The following CYTH1 variants were observed in gnomAD, a reference collection of about 807,000 sequenced individuals.
CYTH1 encodes cytohesin-1.
Under a neutral mutation model 61.8 loss-of-function variants are expected in CYTH1, and 18 were observed. That is an observed-to-expected ratio of 0.29 (90% confidence interval 0.20 to 0.43). CYTH1 has a LOEUF of 0.43. Ranked by LOEUF, CYTH1 falls within the 20% of genes least tolerant of loss-of-function variation. The pLI, the probability that CYTH1 is intolerant of heterozygous loss-of-function variation, is 1.00. For missense variants in CYTH1, 336 were observed against 510.5 expected, an observed-to-expected ratio of 0.66 and a Z score of 3.29; for synonymous variants, 174 against 184.3, an observed-to-expected ratio of 0.94 and a Z score of 0.45.
At chr17:78,733,885 T>C (rs1421528222) in intron 1 of CYTH1, among the ~76,000 whole-genome samples, 1 of 152,240 alleles carries the variant, frequency 6.6e-6, no homozygotes, top group African/African-American at 2.4e-5. Flanking sequence ...AGTGTCTGCC[T>C]GTGAAGGGCC....
At chr17:78,755,252 T>C (rs1203757832) in intron 1 of CYTH1, among the ~76,000 whole-genome samples, 1 of 152,172 alleles carries the variant, frequency 6.6e-6, no homozygotes, top group Non-Finnish European at 1.5e-5. Flanking sequence ...CTCAGCTCAC[T>C]GCAGCCTCCG....
intron 1 of CYTH1, among the ~76,000 whole-genome samples, chr17:78,758,597 G>A (rs1313678077): frequency 2.6e-5 from 4 of 152,098 alleles, no homozygotes; most frequent in African/African-American, 9.7e-5. Flanking sequence ...CCAGCTACTC[G>A]CTAGGCTGAG....
At chr17:78,726,107 G>C (rs988018752) in intron 1 of CYTH1, among the ~76,000 whole-genome samples, 1 of 148,028 alleles carries the variant, frequency 6.8e-6, no homozygotes, top group Admixed American at 6.8e-5. Flanking sequence ...GCAGTGGCGC[G>C]ATCTCGGCTC....
At chr17:78,745,532 T>C (rs2093356337) in intron 1 of CYTH1, among the ~76,000 whole-genome samples, 1 of 152,200 alleles carries the variant, frequency 6.6e-6, no homozygotes, top group Admixed American at 6.5e-5. Flanking sequence ...ATAAATTCCA[T>C]CTGTGCTGCC....
chr17:78,775,234 G>C (rs9899151), intron 1 of CYTH1, among the ~76,000 whole-genome samples: 1,575 of 152,302 alleles, frequency 0.01, 28 homozygotes, highest in African/African-American at 0.035. Flanking sequence ...ATGAAGATTG[G>C]GGGGGCCGCT....
In CYTH1 at chr17:78,675,742, G is replaced by A. The variant is rs1567817210; in HGVS notation, c.*349C>T. ...TGTATTTATGGTGCAGGGTTTGAAG[G>A]CTTCTTCACGGGGACAACCAAGAGG... is the stretch of plus-strand genomic sequence containing the variant. On this transcript the variant is annotated 3_prime_UTR_variant, in exon 14 of 14. Transcript: ENST00000446868. The A allele has an allele frequency of 3.1e-6, 2 of 651,660 alleles. No homozygotes were observed. The highest frequency in any genetic ancestry group is 5.9e-5 in the East Asian group (2 of 33,614). 40.4% of individuals were successfully genotyped at this position (651,660 alleles called of 1,614,324 possible).
chr17:78,718,218 T>C (rs1330370699), intron 1 of CYTH1, among the ~76,000 whole-genome samples: 1 of 128,394 alleles, frequency 7.8e-6, no homozygotes, highest in African/African-American at 3.1e-5. Flanking sequence ...AAACACTGAA[T>C]ACACACACAC....
intron 1 of CYTH1, chr17:78,716,948 T>G (rs1001631153): frequency 1.3e-5 from 2 of 152,272 alleles, no homozygotes; most frequent in African/African-American, 4.8e-5. Flanking sequence ...CGGGAGTTTC[T>G]GGGAAAGCAC....
intron 1 of CYTH1, among the ~76,000 whole-genome samples, chr17:78,770,043 G>C (rs1447459746): frequency 6.6e-6 from 1 of 151,938 alleles, no homozygotes; most frequent in African/African-American, 2.4e-5. Flanking sequence ...CTAGTTACTC[G>C]GGAAGCTGAG....
rs540229653 is a variant in CYTH1, at chr17:78,763,047, C to CA, written c.22+19154dup. Among the ~76,000 whole-genome samples, 328 of 152,020 alleles carry CA rather than the reference C, an allele frequency of 2.2e-3. 2 individuals are homozygous for CA. Among genetic ancestry groups the CA allele is most frequent in the African/African-American group, 7.3e-3 (302 of 41,452 alleles). ...GCTGCTTTCTGGATGTTTTTAATCTCAAAAAAAGACTTTTGGCCAGGCACG... is the reference window on the plus strand; with the variant it reads ...GCTGCTTTCTGGATGTTTTTAATCTCAAAAAAAAGACTTTTGGCCAGGCACG... On this transcript the variant is annotated intron_variant, in intron 1 of 13. Coordinates refer to ENST00000446868, the MANE Select transcript of CYTH1 (RefSeq NM_004762.6).
intron 1 of CYTH1, among the ~76,000 whole-genome samples, chr17:78,772,236 C>G (rs1373449658): frequency 6.6e-6 from 1 of 152,134 alleles, no homozygotes; most frequent in Non-Finnish European, 1.5e-5. Context: ...CAGACTCGAC[C>G]AGACTCGACA....
At chr17:78,710,986 G>T (rs2144420679) in intron 1 of CYTH1, among the ~76,000 whole-genome samples, 2 of 152,226 alleles carry the variant, frequency 1.3e-5, no homozygotes, top group South Asian at 4.2e-4. Flanking sequence ...ACCGAGGCCG[G>T]GCACAGTGGC....
chr17:78,735,818 T>C (rs1321270065), intron 1 of CYTH1, among the ~76,000 whole-genome samples: 1 of 152,246 alleles, frequency 6.6e-6, no homozygotes, highest in African/African-American at 2.4e-5. Context: ...TTTACTATTT[T>C]GTCTTGCAGC....
At chr17:78,738,814 C>T (rs189821221) in intron 1 of CYTH1, among the ~76,000 whole-genome samples, 61 of 152,278 alleles carry the variant, frequency 4.0e-4, no homozygotes, top group African/African-American at 1.5e-3. Flanking sequence ...GTGATCCCAA[C>T]TTGTAAGAGG....
chr17:78,758,668 T>C (rs746839963), intron 1 of CYTH1, among the ~76,000 whole-genome samples: 15 of 151,356 alleles, frequency 9.9e-5, no homozygotes, highest in East Asian at 2.0e-4. Context: ...GATTGCACCA[T>C]TGTATTCCAG....
rs542549266 is a variant in CYTH1, at chr17:78,701,840, C to T, written c.357-89G>A. ...CAGCCAGGCCATGTCTCCTACACTGCGTCCTGTGGTCCTGTGGCTCCTGCC... is the reference window on the plus strand; with the variant it reads ...CAGCCAGGCCATGTCTCCTACACTGTGTCCTGTGGTCCTGTGGCTCCTGCC... On this transcript the variant is annotated intron_variant, in intron 5 of 13. Coordinates refer to ENST00000446868, the MANE Select transcript of CYTH1 (RefSeq NM_004762.6). 412 of 1,317,840 alleles carry T rather than the reference C, an allele frequency of 3.1e-4. No homozygotes were observed. In the African/African-American group the frequency reaches 4.4e-3, roughly 14 times the overall value. The allele number at this position is 1,317,840 out of a possible 1,614,324, so 81.6% of individuals were successfully genotyped here.
chr17:78,771,262 A>AAAAAT (rs552253711), intron 1 of CYTH1, among the ~76,000 whole-genome samples: 3 of 152,250 alleles, frequency 2.0e-5, no homozygotes, highest in African/African-American at 7.2e-5. Context: ...ACCCTGTCTG[A>AAAAAT]AAAATAAAAT....
At chr17:78,724,282 G>A (rs1034743765) in intron 1 of CYTH1, among the ~76,000 whole-genome samples, 3 of 152,178 alleles carry the variant, frequency 2.0e-5, no homozygotes, top group Non-Finnish European at 2.9e-5. Context: ...GAACTCCAGA[G>A]ACCCAGGCCC....
rs551399951 is a variant in CYTH1, at chr17:78,748,785, A to G, written c.22+33417T>C. ...TGTTGCTTTGGAGATCTACTTTGAT[A>G]CAGGAGCACTGCAGATCCCCTTCCT... On this transcript the variant is annotated intron_variant, in intron 1 of 13. Coordinates refer to ENST00000446868, the MANE Select transcript of CYTH1 (RefSeq NM_004762.6). 4.6e-5 allele frequency among the ~76,000 whole-genome samples: 7 copies of G among 152,294 alleles called. No individual in the cohort carries two copies. The South Asian group carries it at 1.4e-3, about 32-fold the overall frequency.
Sources: gnomAD v4.1 joint callset for allele counts (sites outside exome capture counted in the v4.1 genomes callset) on GRCh38, gnomAD v4.1.1 for gene constraint, MANE v1.5 for transcripts, NCBI Gene and HGNC (gene_info 2026-07-23, HGNC 2026-07-21) for gene names.